Variants in PSD3 observed in about 807,000 individuals in gnomAD.
The protein encoded by PSD3 is pleckstrin and Sec7 domain containing 3, also known as PH and SEC7 domain-containing protein 3.
A neutral mutation model predicts 105.5 loss-of-function variants in PSD3; 49 were observed. The observed-to-expected ratio is 0.46, with a 90% CI of 0.37 to 0.59. The LOEUF (loss-of-function observed/expected upper bound fraction) is 0.59, where lower values mean the gene tolerates loss of function less well. Among genes scored for constraint, PSD3 ranks in the 20% least tolerant of loss-of-function variants. The pLI is 0.00. For missense variants in PSD3, 1,561 were observed against 1,263.8 expected (o/e 1.24, Z -3.57); for synonymous variants, 557 against 457.8 (o/e 1.22, Z -2.77).
intron 8 of PSD3, among the ~76,000 whole-genome samples, chr8:18,788,921 GAC>G (rs1563269193): frequency 1.1e-4 from 16 of 152,160 alleles, no homozygotes; most frequent in African/African-American, 3.6e-4. Context: ...TTAAATGTAT[GAC>G]TGGGGGGCAA....
At chr8:18,959,976 T>C (rs1823811555) in intron 1 of PSD3, among the ~76,000 whole-genome samples, 1 of 152,168 alleles carries the variant, frequency 6.6e-6, no homozygotes, top group African/African-American at 2.4e-5. Flanking sequence ...TCAATCCTTG[T>C]TTTCAAAGCA....
intron 15 of PSD3, among the ~76,000 whole-genome samples, chr8:18,553,898 C>T (rs897879029): frequency 6.6e-6 from 1 of 152,158 alleles, no homozygotes; most frequent in Non-Finnish European, 1.5e-5. Flanking sequence ...AGTCAACCTG[C>T]TTGACATATT....
chr8:18,770,908 A>T (rs11787013), intron 8 of PSD3, among the ~76,000 whole-genome samples: 68,354 of 152,032 alleles, frequency 0.45, 18,304 homozygotes, highest in Non-Finnish European at 0.61. Context: ...AAATTGGAGG[A>T]TGGTAAATGC....
rs1459130927 is a variant in PSD3 at position 18,530,686 on chromosome 8, T to C, written c.*5057A>G. ...AGTTACTAAGACTGCACAGGCTGCC[T>C]TTTTTTTTTTTTTTCTTTTCTTTCT... On this transcript the variant is annotated 3_prime_UTR_variant, in exon 16 of 16. Coordinates refer to ENST00000327040, the MANE Select transcript of PSD3 (RefSeq NM_015310.4). 7.6e-6 allele frequency: 1 copy of C among 131,082 alleles called. No homozygotes were observed. The highest frequency in any genetic ancestry group is 2.7e-5 in the African/African-American group (1 of 37,444). 8.1% of individuals were successfully genotyped at this position (131,082 alleles called of 1,614,324 possible).
At position 18,600,430 on chromosome 8, in the gene PSD3, T is replaced by C. The variant is rs1007391150; in HGVS notation, c.2415A>G (p.Pro805=). 3.1e-6 allele frequency: 5 copies of C among 1,602,310 alleles called. No individual in the cohort carries two copies. In the African/African-American group the frequency reaches 6.7e-5, roughly 22 times the overall value. The change falls in exon 12 of 16, where the codon CCA becomes CCG. Residue 805 remains proline (P), a synonymous_variant. Coordinates refer to ENST00000327040, the MANE Select transcript of PSD3 (RefSeq NM_015310.4). ...IHADMDGKKT[P]RGKRGWKTFY... Reference sequence around the variant, plus strand: ...AGGTTTTCCATCCTCGTTTTCCTCTTGGAGCTAGAAAGGGGGAAAAAATGT... The same window carrying C: ...AGGTTTTCCATCCTCGTTTTCCTCTCGGAGCTAGAAAGGGGGAAAAAATGT...
chr8:18,641,735 G>A (rs1807657544), intron 10 of PSD3, among the ~76,000 whole-genome samples: 1 of 152,144 alleles, frequency 6.6e-6, no homozygotes, highest in Non-Finnish European at 1.5e-5. Flanking sequence ...TGCAGGGGCA[G>A]AACACTAAGG....
chr8:18,774,106 T>C (rs1030914288), intron 8 of PSD3, among the ~76,000 whole-genome samples: 24 of 152,216 alleles, frequency 1.6e-4, no homozygotes, highest in African/African-American at 5.8e-4. Context: ...CTAATAGGTT[T>C]TTTCTTTTGT....
chr8:18,870,960 G>A (rs1228574948), intron 3 of PSD3, among the ~76,000 whole-genome samples: 2 of 152,142 alleles, frequency 1.3e-5, no homozygotes, highest in African/African-American at 4.8e-5. Context: ...TTGGCCAGGT[G>A]TGGTGGTGCA....
chr8:18,902,914 G>T (rs763495464), intron 2 of PSD3, among the ~76,000 whole-genome samples: 1 of 152,176 alleles, frequency 6.6e-6, no homozygotes, highest in African/African-American at 2.4e-5. Flanking sequence ...TAGATGAGGG[G>T]ATTTCTCTAG....
intron 8 of PSD3, among the ~76,000 whole-genome samples, chr8:18,792,361 C>T (rs1383324571): frequency 1.3e-5 from 2 of 152,298 alleles, no homozygotes; most frequent in Non-Finnish European, 2.9e-5. Context: ...TACATATACA[C>T]CATGGAATGC....
intron 1 of PSD3, among the ~76,000 whole-genome samples, chr8:19,059,974 C>A (rs189496190): frequency 2.0e-5 from 3 of 152,340 alleles, no homozygotes; most frequent in Admixed American, 1.3e-4. Flanking sequence ...AGCAAGCCTG[C>A]ACGGGCTGCT....
At chr8:18,847,144 G>A (rs965231825) in intron 4 of PSD3, among the ~76,000 whole-genome samples, 4 of 152,056 alleles carry the variant, frequency 2.6e-5, no homozygotes, top group South Asian at 2.1e-4. Flanking sequence ...GCTTTCATGC[G>A]AGAAACCAGG....
intron 15 of PSD3, among the ~76,000 whole-genome samples, chr8:18,548,890 C>A (rs1800601966): frequency 6.6e-6 from 1 of 152,198 alleles, no homozygotes; most frequent in African/African-American, 2.4e-5. Context: ...TAGTTAGAAG[C>A]CTCCATGGCC....
At chr8:18,591,336 T>C (rs769909193) in intron 12 of PSD3, among the ~76,000 whole-genome samples, 3 of 152,094 alleles carry the variant, frequency 2.0e-5, no homozygotes, top group Non-Finnish European at 4.4e-5. Context: ...CTTGGTTCAA[T>C]TGGAATACTG....
chr8:18,891,035 GGTCTCTGTCA>G (rs957785934), intron 2 of PSD3, among the ~76,000 whole-genome samples: 3 of 152,142 alleles, frequency 2.0e-5, no homozygotes, highest in Non-Finnish European at 4.4e-5. Context: ...TCTCACAGCA[GGTCTCTGTCA>G]GTCCCTGTTA....
At chr8:18,770,100 G>A (rs1029563520) in intron 8 of PSD3, among the ~76,000 whole-genome samples, 3 of 152,158 alleles carry the variant, frequency 2.0e-5, no homozygotes, top group Admixed American at 1.3e-4. Context: ...CACAAGCAGC[G>A]AATGAGGGTT....
At chr8:18,712,128 T>C (rs956736018) in intron 9 of PSD3, among the ~76,000 whole-genome samples, 1 of 152,124 alleles carries the variant, frequency 6.6e-6, no homozygotes, top group East Asian at 1.9e-4. Context: ...TAAAGCAATG[T>C]TAAGAGGGAC....
intron 4 of PSD3, among the ~76,000 whole-genome samples, chr8:18,855,616 T>G (rs148690329): frequency 1.8e-3 from 277 of 152,308 alleles, no homozygotes; most frequent in Middle Eastern, 3.4e-3. Context: ...AAAGGCAACC[T>G]GCATGTATGA....
chr8:18,743,369 G>T (rs907313071), intron 9 of PSD3, among the ~76,000 whole-genome samples: 1 of 152,118 alleles, frequency 6.6e-6, no homozygotes, highest in Non-Finnish European at 1.5e-5. Context: ...GAGAATGAAC[G>T]GATGGGAAAA....
Sources: gnomAD v4.1 joint callset for allele counts (sites outside exome capture counted in the v4.1 genomes callset) on GRCh38, gnomAD v4.1.1 for gene constraint, MANE v1.5 for transcripts, NCBI Gene and HGNC (gene_info 2026-07-23, HGNC 2026-07-21) for gene names.